The following THADA variants were observed in gnomAD, a reference collection of about 807,000 sequenced individuals.
THADA encodes the protein tRNA (32-2'-O)-methyltransferase regulator THADA.
Under a neutral mutation model 219.8 loss-of-function variants are expected in THADA, and 213 were observed. The observed-to-expected ratio is 0.97, with a 90% CI of 0.87 to 1.09. THADA has a LOEUF of 1.09. Ranked by LOEUF, THADA falls within the 50% of genes least tolerant of loss-of-function variation. THADA has a pLI of 0.00. For synonymous variants in THADA, 1,018 were observed against 828.9 expected, an observed-to-expected ratio of 1.23 and a Z score of -3.92; for missense variants, 2,956 against 2,311.3, an observed-to-expected ratio of 1.28 and a Z score of -5.72.
At position 43,508,954 on chromosome 2, in the gene THADA, G is replaced by C. The variant is rs765593234; in HGVS notation, c.3375-174C>G. ...CTTTCCTCTTTATTATGGGTCTTAAGATCTAAAGATTTCATTTCTAACAAC... is the reference window on the plus strand; with the variant it reads ...CTTTCCTCTTTATTATGGGTCTTAACATCTAAAGATTTCATTTCTAACAAC... On this transcript the variant is annotated intron_variant, in intron 22 of 37. Transcript: ENST00000405975. Among the ~76,000 whole-genome samples the C allele has an allele frequency of 4.6e-5, 7 of 152,070 alleles. No individual in the cohort carries two copies. The East Asian group carries it at 7.7e-4, about 17-fold the overall frequency.
chr2:43,417,834 T>C (rs949626676), intron 28 of THADA, among the ~76,000 whole-genome samples: 2 of 152,178 alleles, frequency 1.3e-5, no homozygotes, highest in Admixed American at 6.5e-5. Context: ...GTAGGACACA[T>C]TTAGAAAGTT....
Position 43,592,336 on chromosome 2 carries a change from C to T in THADA, c.57G>A (p.Gln19=), listed in dbSNP as rs1414016322. The part of the protein sequence containing the change: ...MQVAALTICH[Q]DLETLKSFAD... ...ACCTACATTTCAAAGTTTCAAGGTC[C>T]TGATGGCAAATGGTCAGCGCAGCAA... The change falls in exon 2 of 38, where the codon CAG becomes CAA. Residue 19 remains glutamine (Q), a synonymous_variant. Coordinates refer to ENST00000405975, the MANE Select transcript of THADA (RefSeq NM_022065.5). 6.2e-7 allele frequency: 1 copy of T among 1,607,732 alleles called. No individual in the cohort carries two copies. Among genetic ancestry groups the T allele is most frequent in the Non-Finnish European group, 8.5e-7 (1 of 1,177,162 alleles).
At chr2:43,378,812 G>C (rs1270905314) in intron 29 of THADA, among the ~76,000 whole-genome samples, 2 of 152,048 alleles carry the variant, frequency 1.3e-5, no homozygotes, top group African/African-American at 4.8e-5. Context: ...CTCTATGTTG[G>C]CCAGGCTGGT....
At chr2:43,522,491 TG>T (rs1275108586) in intron 22 of THADA, among the ~76,000 whole-genome samples, 1 of 152,204 alleles carries the variant, frequency 6.6e-6, no homozygotes, top group Non-Finnish European at 1.5e-5. Context: ...ACCAGATAGC[TG>T]GTTCTCTCAA....
At chr2:43,530,279 T>C (rs1693699165) in intron 21 of THADA, among the ~76,000 whole-genome samples, 1 of 152,222 alleles carries the variant, frequency 6.6e-6, no homozygotes, top group African/African-American at 2.4e-5. Flanking sequence ...CTACCAGTTG[T>C]CAAGAGCCAC....
chr2:43,575,764 C>T (rs1199536237), intron 10 of THADA, among the ~76,000 whole-genome samples: 1 of 152,100 alleles, frequency 6.6e-6, no homozygotes, highest in Non-Finnish European at 1.5e-5. Context: ...TCTTGAACTC[C>T]TGACCTCAAG....
rs539567071 is a variant in THADA, at chr2:43,295,196, A to G, written c.4439-1983T>C. On this transcript the variant is annotated intron_variant, in intron 31 of 37. Transcript: ENST00000405975. Reference sequence around the variant, plus strand: ...CACTGCATTCCAGCCTGGGCGACAAAGTGAGACCCTATCTCAAAAACGCAT... The same window carrying G: ...CACTGCATTCCAGCCTGGGCGACAAGGTGAGACCCTATCTCAAAAACGCAT... Among the ~76,000 whole-genome samples, 3 of 152,382 alleles carry G rather than the reference A, an allele frequency of 2.0e-5. No homozygotes were observed. In the South Asian group the frequency reaches 6.2e-4, roughly 32 times the overall value.
intron 26 of THADA, among the ~76,000 whole-genome samples, chr2:43,444,899 T>C (rs901665300): frequency 3.3e-5 from 5 of 152,012 alleles, no homozygotes; most frequent in South Asian, 4.2e-4. Context: ...TAGGAAACAG[T>C]AGTAAAGGTG....
In THADA at chr2:43,458,393, A is replaced by G. The variant is rs147439563; in HGVS notation, c.3836+26841T>C. Among the ~76,000 whole-genome samples the G allele has an allele frequency of 4.1e-3, 623 of 152,276 alleles. 4 individuals carry two copies. Among genetic ancestry groups the G allele is most frequent in the African/African-American group, 0.014 (597 of 41,542 alleles). On this transcript the variant is annotated intron_variant, in intron 26 of 37. Transcript: ENST00000405975. ...ATGATTTCATTGTGCTATTCATCAG[A>G]TATGTAACTTGGGGAAGTCACCTAA...
At chr2:43,546,996 G>A (rs1256736800) in intron 20 of THADA, among the ~76,000 whole-genome samples, 2 of 151,912 alleles carry the variant, frequency 1.3e-5, no homozygotes, top group Non-Finnish European at 2.9e-5. Context: ...GCATGATTTT[G>A]CAGTGGCTGG....
At chr2:43,340,295 T>TGAC (rs1433767406) in intron 30 of THADA, among the ~76,000 whole-genome samples, 3 of 152,254 alleles carry the variant, frequency 2.0e-5, no homozygotes, top group Non-Finnish European at 1.5e-5. Context: ...TGTTGCCAGC[T>TGAC]GACCACTCAT....
At chr2:43,366,094 G>C (rs1442194231) in intron 29 of THADA, among the ~76,000 whole-genome samples, 2 of 152,184 alleles carry the variant, frequency 1.3e-5, no homozygotes, top group African/African-American at 4.8e-5. Flanking sequence ...TAAACAGTGG[G>C]ACACCATTTC....
chr2:43,512,753 C>T (rs769203806), intron 22 of THADA, among the ~76,000 whole-genome samples: 31 of 152,198 alleles, frequency 2.0e-4, no homozygotes, highest in Admixed American at 3.3e-4. Flanking sequence ...CCGCCTGCCT[C>T]GGCCTCCCAA....
rs1001101454 is a variant in THADA at position 43,306,040 on chromosome 2, G to A, written c.4439-12827C>T. ...CTTACTCTTGTTACCACGCCGGAGT[G>A]CAGTGGTATGATCGCAGCTCACTGC... On this transcript the variant is annotated intron_variant, in intron 31 of 37. Coordinates refer to ENST00000405975, the MANE Select transcript of THADA (RefSeq NM_022065.5). Among the ~76,000 whole-genome samples, 3 of 147,650 alleles carry A rather than the reference G, an allele frequency of 2.0e-5. No homozygotes were observed. The East Asian group carries it at 6.2e-4, about 31-fold the overall frequency.
chr2:43,370,611 A>C (rs2104620264), intron 29 of THADA, among the ~76,000 whole-genome samples: 1 of 152,334 alleles, frequency 6.6e-6, no homozygotes, highest in African/African-American at 2.4e-5. Context: ...CACTTATATA[A>C]TATCCAAAAA....
chr2:43,311,912 G>T (rs986950377), intron 31 of THADA, among the ~76,000 whole-genome samples: 2 of 152,152 alleles, frequency 1.3e-5, no homozygotes, highest in Non-Finnish European at 2.9e-5. Context: ...TGAAACCACA[G>T]ATGTGGCCGG....
rs775400589 is a variant in THADA at position 43,556,337 on chromosome 2, A to G, written c.2674+8T>C. ...TTCGTTTTGATAAGAGCAAACATCAATACAAACCCATTAATGTGTTCCTTT... is the reference window on the plus strand; with the variant it reads ...TTCGTTTTGATAAGAGCAAACATCAGTACAAACCCATTAATGTGTTCCTTT... On this transcript the variant is annotated splice_region_variant and intron_variant, in intron 17 of 37. Transcript: ENST00000405975. The G allele has an allele frequency of 3.1e-6, 5 of 1,613,456 alleles. No homozygotes were observed. Among genetic ancestry groups the G allele is most frequent in the Middle Eastern group, 1.7e-4 (1 of 5,902 alleles).
intron 34 of THADA, among the ~76,000 whole-genome samples, chr2:43,289,944 G>A (rs1474058388): frequency 2.0e-5 from 3 of 148,740 alleles, no homozygotes; most frequent in Admixed American, 6.7e-5. Context: ...GTGAGCTACC[G>A]TGCCCGGCCC....
At chr2:43,238,319 C>A (rs1668274955) in intron 36 of THADA, among the ~76,000 whole-genome samples, 2 of 151,956 alleles carry the variant, frequency 1.3e-5, no homozygotes, top group African/African-American at 4.8e-5. Context: ...TGACAAGGGA[C>A]TGTATCTAAA....
Sources: allele counts gnomAD v4.1 joint callset (sites outside exome capture counted in the v4.1 genomes callset), GRCh38; gene constraint gnomAD v4.1.1; transcripts MANE v1.5; gene names NCBI Gene and HGNC (gene_info 2026-07-23, HGNC 2026-07-21).